TBX5: variants seen among roughly 807,000 people sequenced by gnomAD.
TBX5 encodes T-box transcription factor TBX5.
A neutral mutation model predicts 51.1 loss-of-function variants in TBX5; 8 were observed. That is an observed-to-expected ratio of 0.16 (90% CI 0.09 to 0.28). The LOEUF (loss-of-function observed/expected upper bound fraction) is 0.28, where lower values mean the gene tolerates loss of function less well. TBX5 is among the 10% of genes least tolerant of loss of function. TBX5 has a pLI of 1.00. For synonymous variants in TBX5, 302 were observed against 266.4 expected (o/e 1.13, Z -1.30); for missense variants, 589 against 671.7 (o/e 0.88, Z 1.36).
In TBX5 at chr12:114,385,587, A is replaced by C; in HGVS notation, c.664-20T>G. 1 of 1,606,846 alleles carries C rather than the reference A, an allele frequency of 6.2e-7. No individual in the cohort carries two copies. Among genetic ancestry groups the C allele is most frequent in the Middle Eastern group, 1.7e-4 (1 of 6,050 alleles). On this transcript the variant is annotated intron_variant, in intron 6 of 8. Coordinates refer to ENST00000405440, the MANE Select transcript of TBX5 (RefSeq NM_181486.4). ...CGTGATCTGAAGGAAAGAGGAAGAGAGAACAAGCTGGTTTTCACTTGATTG... is the reference window on the plus strand; with the variant it reads ...CGTGATCTGAAGGAAAGAGGAAGAGCGAACAAGCTGGTTTTCACTTGATTG...
chr12:114,378,382 G>A (rs1241738766), intron 7 of TBX5, among the ~76,000 whole-genome samples: 3 of 152,172 alleles, frequency 2.0e-5, no homozygotes, highest in Middle Eastern at 3.2e-3. Context: ...CAAGCTTGCA[G>A]CCAGGCAGGC....
At chr12:114,390,024 C>T (rs1458423550) in intron 6 of TBX5, among the ~76,000 whole-genome samples, 5 of 152,020 alleles carry the variant, frequency 3.3e-5, no homozygotes, top group African/African-American at 9.7e-5. Flanking sequence ...TTGCTCAAAT[C>T]CATTCCTTGC....
chr12:114,366,011 T>C, intron 8 of TBX5, 154 bp downstream of exon 8: 1 of 902,924 alleles, frequency 1.1e-6, no homozygotes, highest in Non-Finnish European at 1.8e-6. Flanking sequence ...TTTAGCTGTT[T>C]GGTTTAAATT....
At chr12:114,360,124 G>A (rs76481221) in intron 8 of TBX5, among the ~76,000 whole-genome samples, 2,212 of 152,218 alleles carry the variant, frequency 0.015, 48 homozygotes, top group African/African-American at 0.05. Flanking sequence ...AAGAACCATT[G>A]GCGAGTCTTC....
intron 7 of TBX5, among the ~76,000 whole-genome samples, chr12:114,367,278 T>A (rs5015007): frequency 0.86 from 131,107 of 151,614 alleles, 57,165 homozygotes; most frequent in African/African-American, 0.97. Context: ...AAAGAAAAAA[T>A]CAGCATGGGA....
upstream of TBX5, chr12:114,407,877 G>A (rs1872326961): frequency 2.0e-6 from 2 of 985,278 alleles, no homozygotes; most frequent in African/African-American, 3.5e-5. Context: ...TGGAGAGCAG[G>A]GCTCAGGTGA....
intron 6 of TBX5, among the ~76,000 whole-genome samples, chr12:114,391,093 T>A (rs1593871955): frequency 6.6e-6 from 1 of 152,202 alleles, no homozygotes; most frequent in South Asian, 2.1e-4. Context: ...TAGAGACAGA[T>A]CATTCTGAAG....
rs967802452 is a variant in TBX5, at chr12:114,394,825, T to C, written c.579A>G (p.Gly193=). ...AGAACGCTGTATTTTTTGAGCCAAA[T>C]CCATTATTTTCATCCGCTTTCACGA... ...LHIVKADENN[G]FGSKNTAFCT... Residue 193 remains glycine (G), a synonymous_variant, in exon 6 of 9, where the codon GGA becomes GGG. Coordinates refer to ENST00000405440, the MANE Select transcript of TBX5 (RefSeq NM_181486.4). The C allele has an allele frequency of 1.2e-6, 2 of 1,614,024 alleles. No homozygotes were observed. The highest frequency in any genetic ancestry group is 1.3e-5 in the African/African-American group (1 of 74,894).
intron 6 of TBX5, among the ~76,000 whole-genome samples, chr12:114,391,994 G>A (rs2136406386): frequency 6.6e-6 from 1 of 152,192 alleles, no homozygotes; most frequent in East Asian, 1.9e-4. Context: ...CTGTCAGGCT[G>A]GCTAAACAGA....
intron 3 of TBX5, among the ~76,000 whole-genome samples, chr12:114,401,489 C>G (rs1871808010): frequency 1.3e-5 from 2 of 152,046 alleles, no homozygotes; most frequent in African/African-American, 2.4e-5. Flanking sequence ...TCTCCTTTCC[C>G]TCTTCTCTCT....
intron 7 of TBX5, among the ~76,000 whole-genome samples, chr12:114,370,872 G>C (rs904060008): frequency 3.3e-5 from 5 of 151,736 alleles, no homozygotes; most frequent in African/African-American, 1.2e-4. Context: ...AGATTTTCAT[G>C]AACCCATCAC....
intron 7 of TBX5, among the ~76,000 whole-genome samples, chr12:114,372,628 A>C (rs17730547): frequency 0.02 from 3,007 of 152,066 alleles, 42 homozygotes; most frequent in Non-Finnish European, 0.031. Flanking sequence ...TGTTGACTCA[A>C]CCAGGGCTAT....
In TBX5 at chr12:114,399,601, T is replaced by C. The variant is rs1187125731; in HGVS notation, c.274A>G (p.Thr92Ala). ...RMFPSYKVKV[T>A]GLNPKTKYIL... ...TACTTCGTTTTGGGATTAAGGCCCG[T>C]CACCTTCACTTTGTAACTGGGAAAC... Residue 92 changes from threonine to alanine, a missense_variant, in exon 4 of 9, where the codon ACG (threonine) becomes GCG (alanine). Thr to Ala is a moderately conservative substitution (Grantham distance 58). Transcript: ENST00000405440. 6.2e-7 allele frequency: 1 copy of C among 1,614,146 alleles called. No individual in the cohort carries two copies. Among genetic ancestry groups the C allele is most frequent in the Non-Finnish European group, 8.5e-7 (1 of 1,180,036 alleles).
At chr12:114,377,589 CTTTTTT>C (rs1593858910) in intron 7 of TBX5, among the ~76,000 whole-genome samples, 1 of 137,098 alleles carries the variant, frequency 7.3e-6, no homozygotes, top group South Asian at 2.3e-4. Context: ...TTTTCTTTTT[CTTTTTT>C]TTTAGAGACA....
At chr12:114,386,976 G>C (rs998836850) in intron 6 of TBX5, among the ~76,000 whole-genome samples, 1 of 151,664 alleles carries the variant, frequency 6.6e-6, no homozygotes, top group Non-Finnish European at 1.5e-5. Flanking sequence ...CATGATGGCA[G>C]GCTCCTATAA....
chr12:114,392,391 T>C (rs549703047), intron 6 of TBX5, among the ~76,000 whole-genome samples: 2 of 152,280 alleles, frequency 1.3e-5, no homozygotes, highest in East Asian at 3.9e-4. Context: ...GTTTCAAATA[T>C]GGCAGTTTAT....
intron 5 of TBX5, among the ~76,000 whole-genome samples, chr12:114,397,538 A>T (rs977200060): frequency 6.6e-6 from 1 of 152,204 alleles, no homozygotes; most frequent in Admixed American, 6.5e-5. Flanking sequence ...TTTTTTCAAA[A>T]ATCAGTGTTT....
In TBX5 at chr12:114,355,975, A is replaced by T. The variant is rs79040021; in HGVS notation, c.1114T>A (p.Ser372Thr). Reference sequence around the variant, plus strand: ...TACATGCAAGCTTGCCGCTGTGCCGACTCTGTCCTGTAGGAGGCACCCAGG... The same window carrying T: ...TACATGCAAGCTTGCCGCTGTGCCGTCTCTGTCCTGTAGGAGGCACCCAGG... The part of the protein sequence containing the change: ...QGLGASYRTE[S>T]AQRQACMYAS... Residue 372 changes from serine to threonine, a missense_variant, in exon 9 of 9, where the codon TCG (serine) becomes ACG (threonine). Around this residue, in one of 7 missense-constraint regions of TBX5, gnomAD observed 348 missense variants for 360.4 expected, o/e 0.97. Coordinates refer to ENST00000405440, the MANE Select transcript of TBX5 (RefSeq NM_181486.4). 10 of 1,613,898 alleles carry T rather than the reference A, an allele frequency of 6.2e-6. No individual in the cohort carries two copies. The highest frequency in any genetic ancestry group is 8.5e-6 in the Non-Finnish European group (10 of 1,180,014).
intron 7 of TBX5, among the ~76,000 whole-genome samples, chr12:114,380,133 G>A (rs920646350): frequency 2.0e-5 from 3 of 152,036 alleles, no homozygotes; most frequent in Non-Finnish European, 2.9e-5. Context: ...TTCTCTCTAC[G>A]AGGTCTACTT....
Sources: allele counts gnomAD v4.1 joint callset (sites outside exome capture counted in the v4.1 genomes callset), GRCh38; gene constraint gnomAD v4.1.1; regional missense constraint gnomAD v4.1.1; transcripts MANE v1.5; gene names NCBI Gene and HGNC (gene_info 2026-07-23, HGNC 2026-07-21).